Variants in WNK2 observed in about 807,000 individuals in gnomAD.
WNK2 encodes the protein WNK lysine deficient protein kinase 2.
Under a neutral mutation model 192.1 loss-of-function variants are expected in WNK2, and 67 were observed. The observed-to-expected ratio is 0.35, with a 90% CI of 0.29 to 0.43. WNK2 has a LOEUF of 0.43. WNK2 is among the 20% of genes least tolerant of loss of function. WNK2 has a pLI of 1.00. For synonymous variants in WNK2, 1,439 were observed against 1,393.9 expected (o/e 1.03, Z -0.72); for missense variants, 2,698 against 3,089.7 (o/e 0.87, Z 3.01).
At chr9:93,286,481 G>A (rs954328372) in intron 19 of WNK2, among the ~76,000 whole-genome samples, 1 of 152,188 alleles carries the variant, frequency 6.6e-6, no homozygotes, top group African/African-American at 2.4e-5. Flanking sequence ...CCTCACACCT[G>A]TTAAGATCAC....
intron 26 of WNK2, 104 bp downstream of exon 26, chr9:93,300,253 C>T (rs1851358507): frequency 1.1e-6 from 1 of 927,780 alleles, no homozygotes; most frequent in African/African-American, 1.7e-5. Context: ...TAGGATGCCT[C>T]CCCCACCCCA....
chr9:93,185,504 G>A lies in WNK2; in HGVS notation c.575G>A (p.Gly192Asp), dbSNP rs1829127186. The change falls in exon 2 of 30, where the codon GGC becomes GAC. Residue 192 changes from glycine to aspartate, a missense_variant. Gly to Asp is a moderately conservative substitution (Grantham distance 94, BLOSUM62 -1). Transcript: ENST00000427277. ...DLKAVATSLD[G>D]RFLKFDIELG... ...AAGGCCGTGGCCACCTCTCTGGACGGCCGCTTCCTCAAGTTCGACATCGAG... is the reference window on the plus strand; with the variant it reads ...AAGGCCGTGGCCACCTCTCTGGACGACCGCTTCCTCAAGTTCGACATCGAG... 2.5e-6 allele frequency: 4 copies of A among 1,612,804 alleles called. No homozygotes were observed. Among genetic ancestry groups the A allele is most frequent in the Non-Finnish European group, 3.4e-6 (4 of 1,179,762 alleles).
At chr9:93,273,600 C>T (rs549955225) in intron 19 of WNK2, among the ~76,000 whole-genome samples, 11 of 152,146 alleles carry the variant, frequency 7.2e-5, no homozygotes, top group Non-Finnish European at 1.0e-4. Flanking sequence ...CCAACACTCT[C>T]GATAGATAGA....
At chr9:93,197,535 C>CT (rs1286234636) in intron 2 of WNK2, among the ~76,000 whole-genome samples, 7 of 152,034 alleles carry the variant, frequency 4.6e-5, no homozygotes, top group Non-Finnish European at 1.0e-4. Flanking sequence ...TGTGGTGTTT[C>CT]TTTTTTTTCT....
Position 93,247,723 on chromosome 9 carries a change from G to A in WNK2, c.1723G>A (p.Val575Met). 1 of 1,559,072 alleles carries A rather than the reference G, an allele frequency of 6.4e-7. No homozygotes were observed. Among genetic ancestry groups the A allele is most frequent in the Non-Finnish European group, 8.7e-7 (1 of 1,152,242 alleles). The change falls in exon 8 of 30, where the codon GTG becomes ATG. Residue 575 changes from valine to methionine, a missense_variant. Physicochemically the swap from Val to Met is conservative, Grantham distance 21. Coordinates refer to ENST00000427277, the MANE Select transcript of WNK2 (RefSeq NM_006648.4). The surrounding 1 kb of genome is among the most constrained non-coding windows in gnomAD (Gnocchi z 5.2). ...TCCGCCGGTGCCCCTGCAGGTCCAG[G>A]TGACCTACCATGCACAGGCTGGGCA... Reference protein sequence around the residue: ...RGPPVPLQVQVTYHAQAGQPG... With the variant: ...RGPPVPLQVQMTYHAQAGQPG...
intron 2 of WNK2, among the ~76,000 whole-genome samples, chr9:93,224,444 C>T (rs941323781): frequency 1.3e-5 from 2 of 152,146 alleles, no homozygotes; most frequent in African/African-American, 2.4e-5. Flanking sequence ...CGAAGGCAAC[C>T]CCTGATGTGT....
chr9:93,308,427 C>T lies in WNK2; in HGVS notation c.6359C>T (p.Thr2120Ile). 6.2e-7 allele frequency: 1 copy of T among 1,606,782 alleles called. No individual in the cohort carries two copies. The highest frequency in any genetic ancestry group is 1.1e-5 in the South Asian group (1 of 89,174). The stretch of plus-strand genomic sequence containing the variant: ...AACAACAGCAACAACAAGAAGGGTA[C>T]CTTCACGGACGACCTGCACAAGCTG... ...QVNNSNNKKGTFTDDLHKLVD... is the reference protein window; with the variant it reads ...QVNNSNNKKGIFTDDLHKLVD... The change falls in exon 28 of 30, where the codon ACC (threonine) becomes ATC (isoleucine). Residue 2120 changes from threonine to isoleucine, a missense_variant. Physicochemically the swap from Thr to Ile is moderately conservative, Grantham distance 89. Transcript: ENST00000427277.
chr9:93,241,225 T>C (rs1371046814), intron 7 of WNK2, among the ~76,000 whole-genome samples: 1 of 152,172 alleles, frequency 6.6e-6, no homozygotes, highest in East Asian at 1.9e-4. Context: ...GACAACTTGA[T>C]ACGAAGGACA....
rs781714435 is a variant in WNK2 at position 93,229,658 on chromosome 9, C to T, written c.682-38C>T. On this transcript the variant is annotated intron_variant, in intron 2 of 29. Coordinates refer to ENST00000427277, the MANE Select transcript of WNK2 (RefSeq NM_006648.4). The surrounding 1 kb of genome is among the most constrained non-coding windows in gnomAD (Gnocchi z 4.9). ...ACGCCACCGTGTCCCCTTCTGTGTCCCATCTCTTGCCCACTTAGCATGTCT... is the reference window on the plus strand; with the variant it reads ...ACGCCACCGTGTCCCCTTCTGTGTCTCATCTCTTGCCCACTTAGCATGTCT... 2 of 1,595,812 alleles carry T rather than the reference C, an allele frequency of 1.3e-6. No individual in the cohort carries two copies. Among genetic ancestry groups the T allele is most frequent in the East Asian group, 4.5e-5 (2 of 44,296 alleles).
chr9:93,290,034 C>T lies in WNK2; in HGVS notation c.4923C>T (p.Ser1641=), dbSNP rs1335654852. The T allele has an allele frequency of 1.3e-6, 2 of 1,573,656 alleles. No individual in the cohort carries two copies. Among genetic ancestry groups the T allele is most frequent in the Non-Finnish European group, 1.7e-6 (2 of 1,158,520 alleles). Residue 1641 remains serine, a synonymous_variant, in exon 21 of 30, where the codon TCC becomes TCT. Transcript: ENST00000427277. ...TRGAVMEQGT[S]SSMTAESSPR... ...GGGCCGTGATGGAGCAGGGCACGTC[C>T]TCGTCAATGACAGGTAACAGCTTCC...
chr9:93,277,049 T>C (rs1413570542), intron 19 of WNK2, among the ~76,000 whole-genome samples: 4 of 148,650 alleles, frequency 2.7e-5, no homozygotes, highest in Non-Finnish European at 6.0e-5. Context: ...AAAAAAAAAA[T>C]GAGCAACTCA....
intron 9 of WNK2, 86 bp from the exon 10 acceptor site, chr9:93,256,213 A>G (rs918243730): frequency 3.6e-5 from 50 of 1,370,428 alleles, no homozygotes; most frequent in Non-Finnish European, 3.0e-5. Context: ...AGGCACAGGG[A>G]TGACATGAGG....
intron 28 of WNK2, chr9:93,309,276 C>A: frequency 8.6e-6 from 3 of 347,996 alleles, no homozygotes; most frequent in South Asian, 1.2e-4. Flanking sequence ...ATTTATTTTT[C>A]AAACAGAAGA....
At chr9:93,264,952 C>A (rs900406604) in intron 16 of WNK2, among the ~76,000 whole-genome samples, 2 of 152,242 alleles carry the variant, frequency 1.3e-5, no homozygotes, top group Admixed American at 1.3e-4. Flanking sequence ...GGCTGCATCC[C>A]CCTGGCCACC....
intron 2 of WNK2, among the ~76,000 whole-genome samples, chr9:93,219,349 G>A (rs1218483844): frequency 1.3e-5 from 2 of 152,244 alleles, no homozygotes; most frequent in Admixed American, 6.5e-5. Flanking sequence ...AGTCCCTCCT[G>A]CTCCTCTCTT....
At chr9:93,317,942 G>T in intron 29 of WNK2, 1 of 1,610,462 alleles carries the variant, frequency 6.2e-7, no homozygotes, top group Non-Finnish European at 8.5e-7. Context: ...ACCGCCTGCT[G>T]TGGGCACAGC....
chr9:93,306,977 T>C (rs1852693951), intron 27 of WNK2, 156 bp downstream of exon 27: 18 of 896,886 alleles, frequency 2.0e-5, no homozygotes, highest in South Asian at 1.0e-4. Context: ...CTGCTTCGCT[T>C]CTGCCTGGCG....
chr9:93,198,078 A>G (rs1831609348), intron 2 of WNK2, among the ~76,000 whole-genome samples: 1 of 152,234 alleles, frequency 6.6e-6, no homozygotes, highest in South Asian at 2.1e-4. Context: ...ACTGAGGTAC[A>G]GGAAAATACA....
In WNK2 at chr9:93,211,257, T is replaced by TCCACTGACTCATACACTCAG; in HGVS notation, c.682-18439_682-18438insCCACTGACTCATACACTCAG. On this transcript the variant is annotated intron_variant, in intron 2 of 29. Coordinates refer to ENST00000427277, the MANE Select transcript of WNK2 (RefSeq NM_006648.4). ...ACTCACTCATTCACTCACTCACTCA[T>TCCACTGACTCATACACTCAG]TCACTCATTCACTCACTCATCCACT... 6.3e-4 allele frequency among the ~76,000 whole-genome samples: 2 copies of TCCACTGACTCATACACTCAG among 3,192 alleles called. 1 individual carries two copies. Among genetic ancestry groups the TCCACTGACTCATACACTCAG allele is most frequent in the Admixed American group, 6.4e-3 (2 of 314 alleles). 2.1% of individuals were successfully genotyped at this position (3,192 alleles called of 152,430 possible). A position where few individuals can be genotyped will look rare whatever the true frequency, so the allele number is the denominator to read the frequency against.
Sources: gnomAD v4.1 joint callset for allele counts (sites outside exome capture counted in the v4.1 genomes callset) on GRCh38, gnomAD v4.1.1 for gene constraint, Gnocchi (gnomAD v3.1) non-coding constraint, MANE v1.5 for transcripts, NCBI Gene and HGNC (gene_info 2026-07-23, HGNC 2026-07-21) for gene names.